ARHGAP36: variants seen among roughly 807,000 people sequenced by gnomAD.
ARHGAP36 encodes Rho GTPase activating protein 36.
A neutral mutation model predicts 32.9 loss-of-function variants in ARHGAP36; 7 were observed. The ratio of observed to expected loss-of-function variants is 0.21; its 90% CI spans 0.12 to 0.40. ARHGAP36 has a LOEUF of 0.40. ARHGAP36 is among the 10% of genes least tolerant of loss of function. The probability of loss-of-function intolerance (pLI) is 1.00; values close to 1 mark genes in which losing one functional copy is unlikely to be tolerated. For missense variants in ARHGAP36, 383 were observed against 442.2 expected, an observed-to-expected ratio of 0.87 and a Z score of 1.20; for synonymous variants, 165 against 168.3, an observed-to-expected ratio of 0.98 and a Z score of 0.15.
chrX:131,087,017 T>A, intron 11 of ARHGAP36, among the ~76,000 whole-genome samples: 1 of 111,469 alleles, frequency 9.0e-6, no homozygotes, highest in African/African-American at 3.3e-5. Flanking sequence ...CTCATTGAGA[T>A]CCCAGACTTT....
At chrX:131,083,136 T>G in intron 2 of ARHGAP36, 29 bp from the exon 3 acceptor site, 4 of 1,189,935 alleles carry the variant, frequency 3.4e-6, no homozygotes, top group Non-Finnish European at 4.6e-6. Flanking sequence ...TATTTGTAAG[T>G]GTATCTTTTC....
intron 1 of ARHGAP36, among the ~76,000 whole-genome samples, chrX:131,075,630 T>TGC (rs1263718827): frequency 9.2e-6 from 1 of 108,182 alleles, no homozygotes; most frequent in Admixed American, 9.8e-5. Flanking sequence ...TATATGTGTG[T>TGC]GTGTGTGTGT....
chrX:131,073,235 T>C (rs2079741809), intron 1 of ARHGAP36, among the ~76,000 whole-genome samples: 1 of 112,899 alleles, frequency 8.9e-6, no homozygotes, highest in Admixed American at 9.3e-5. Context: ...AGTGAGTGGT[T>C]TCCGCGCGCC....
chrX:131,074,061 G>A (rs2079747178), intron 1 of ARHGAP36, among the ~76,000 whole-genome samples: 1 of 109,836 alleles, frequency 9.1e-6, no homozygotes, highest in Non-Finnish European at 1.9e-5. Context: ...GGAGAATAGA[G>A]GGGGTAGGAG....
chrX:131,085,689 A>G lies in ARHGAP36; in HGVS notation c.1057A>G (p.Lys353Glu). The change falls in exon 8 of 12, where the codon AAA becomes GAA. Residue 353 changes from lysine to glutamate, a missense_variant. Coordinates refer to ENST00000276211, the MANE Select transcript of ARHGAP36 (RefSeq NM_144967.4). ...TLERLLKALH[K>E]ITENCEDSIG... ...GGAGCGTCTGCTGAAGGCCCTGCAT[A>G]AAATCACTGAGAACTGCGAGGACTC... is the stretch of plus-strand genomic sequence containing the variant. 8.3e-7 allele frequency: 1 copy of G among 1,211,890 alleles called. No homozygotes were observed. Among genetic ancestry groups the G allele is most frequent in the African/African-American group, 1.7e-5 (1 of 57,784 alleles).
chrX:131,072,189 G>C (rs1341578857), intron 1 of ARHGAP36, among the ~76,000 whole-genome samples: 3 of 111,423 alleles, frequency 2.7e-5, no homozygotes, highest in African/African-American at 9.8e-5. Flanking sequence ...AGTAGTGGGG[G>C]GCAGGGGTGG....
chrX:131,064,558 T>C (rs2079687208), intron 1 of ARHGAP36, among the ~76,000 whole-genome samples: 1 of 112,132 alleles, frequency 8.9e-6, no homozygotes. Flanking sequence ...GTGGTTTCTA[T>C]GGTTTACCTC....
chrX:131,069,153 G>A (rs1159196734), intron 1 of ARHGAP36, among the ~76,000 whole-genome samples: 2 of 112,046 alleles, frequency 1.8e-5, no homozygotes, highest in African/African-American at 6.5e-5. Context: ...AATCTCTGAG[G>A]TGCCCTCCCG....
At chrX:131,066,061 G>T (rs1039484326) in intron 1 of ARHGAP36, among the ~76,000 whole-genome samples, 1 of 111,633 alleles carries the variant, frequency 9.0e-6, no homozygotes, top group African/African-American at 3.3e-5. Flanking sequence ...CCCAAAATGC[G>T]ATGTATTGCT....
intron 1 of ARHGAP36, among the ~76,000 whole-genome samples, chrX:131,058,797 C>A (rs1393202346): frequency 8.8e-6 from 1 of 113,390 alleles, no homozygotes; most frequent in Admixed American, 9.2e-5. Flanking sequence ...GGATGAATGT[C>A]CCTGACAGGG....
chrX:131,064,039 T>A (rs188258215), intron 1 of ARHGAP36, among the ~76,000 whole-genome samples: 1 of 112,015 alleles, frequency 8.9e-6, no homozygotes, highest in Non-Finnish European at 1.9e-5. Flanking sequence ...CTGGATGGTC[T>A]TAGGCACTAT....
intron 1 of ARHGAP36, among the ~76,000 whole-genome samples, chrX:131,077,718 T>A (rs1324214852): frequency 9.9e-6 from 1 of 100,779 alleles, no homozygotes; most frequent in Admixed American, 1.1e-4. Context: ...ATTCTCTCTC[T>A]TGATATCTGC....
intron 1 of ARHGAP36, among the ~76,000 whole-genome samples, chrX:131,079,835 A>T (rs1225123836): frequency 2.7e-5 from 3 of 111,481 alleles, no homozygotes; most frequent in African/African-American, 9.8e-5. Context: ...TACCCAAACC[A>T]TGAACTTGGG....
At chrX:131,076,030 T>C (rs2079761742) in intron 1 of ARHGAP36, among the ~76,000 whole-genome samples, 1 of 112,112 alleles carries the variant, frequency 8.9e-6, no homozygotes, top group African/African-American at 3.3e-5. Flanking sequence ...GCATGATTCA[T>C]TTATTCATGA....
chrX:131,083,702 C>G, intron 3 of ARHGAP36, 32 bp from the exon 4 acceptor site: 1 of 1,181,438 alleles, frequency 8.5e-7, no homozygotes, highest in Non-Finnish European at 1.2e-6. Flanking sequence ...GAGGCTTTGA[C>G]GTTTCTCATT....
chrX:131,078,060 T>C (rs952235140), intron 1 of ARHGAP36, among the ~76,000 whole-genome samples: 4 of 111,362 alleles, frequency 3.6e-5, no homozygotes, highest in African/African-American at 1.3e-4. Context: ...GATTGTTCAA[T>C]GGATTGATAC....
chrX:131,087,132 A>G (rs985268564), intron 11 of ARHGAP36, among the ~76,000 whole-genome samples: 2 of 111,581 alleles, frequency 1.8e-5, no homozygotes, highest in African/African-American at 6.5e-5. Context: ...TAGAAGAAGG[A>G]GCAGATTTTG....
intron 1 of ARHGAP36, among the ~76,000 whole-genome samples, chrX:131,064,361 A>G (rs2079686007): frequency 9.0e-6 from 1 of 111,648 alleles, no homozygotes; most frequent in Non-Finnish European, 1.9e-5. Flanking sequence ...TTCCTAAAAG[A>G]AGAGGGACTA....
At position 131,085,628 on chromosome X, in the gene ARHGAP36, GGT is replaced by G. The variant is rs1201724397; in HGVS notation, c.997_998del (p.Val333LeufsTer9). ...QDQLSALQLL[V>X]YLMPPCHSDT... ...ATCAGCTTTCTGCCCTGCAGTTGCT[GGT>G]CTACCTGATGCCACCCTGCCACAGT... On this transcript the variant is annotated frameshift_variant, in exon 8 of 12. Coordinates refer to ENST00000276211, the MANE Select transcript of ARHGAP36 (RefSeq NM_144967.4). LOFTEE classifies it high-confidence loss of function. 8.3e-7 allele frequency: 1 copy of G among 1,211,469 alleles called. No individual in the cohort carries two copies.
Sources: allele counts gnomAD v4.1 joint callset (sites outside exome capture counted in the v4.1 genomes callset), GRCh38; gene constraint gnomAD v4.1.1; transcripts MANE v1.5; gene names NCBI Gene and HGNC (gene_info 2026-07-23, HGNC 2026-07-21).